SLC25A13: variants seen among roughly 807,000 people sequenced by gnomAD.
SLC25A13 encodes solute carrier family 25 member 13, also known as electrogenic aspartate/glutamate antiporter SLC25A13, mitochondrial.
In SLC25A13, 70 loss-of-function variants were observed where a neutral mutation model predicts 85.5. That is an observed-to-expected ratio of 0.82 (90% CI 0.68 to 1.00). The LOEUF (loss-of-function observed/expected upper bound fraction) is 1.00, where lower values mean the gene tolerates loss of function less well. Ranked by LOEUF, SLC25A13 falls within the 50% of genes least tolerant of loss-of-function variation. The probability of loss-of-function intolerance (pLI) is 0.00; values close to 1 mark genes in which losing one functional copy is unlikely to be tolerated. For synonymous variants in SLC25A13, 259 were observed against 288.7 expected, an observed-to-expected ratio of 0.90 and a Z score of 1.04; for missense variants, 765 against 819.8, an observed-to-expected ratio of 0.93 and a Z score of 0.82.
chr7:96,184,599 G>C (rs1794551923), intron 10 of SLC25A13, 164 bp from the exon 11 acceptor site: 1 of 711,710 alleles, frequency 1.4e-6, no homozygotes. Context: ...ATAAACAATT[G>C]AGGGTTTTCA....
intron 11 of SLC25A13, among the ~76,000 whole-genome samples, chr7:96,180,574 C>T (rs998510717): frequency 6.6e-6 from 1 of 152,192 alleles, no homozygotes; most frequent in African/African-American, 2.4e-5. Context: ...GGTGATCCAC[C>T]CGCCTCGGTC....
At chr7:96,280,997 T>A (rs886896767) in intron 2 of SLC25A13, among the ~76,000 whole-genome samples, 2 of 152,188 alleles carry the variant, frequency 1.3e-5, no homozygotes, top group Non-Finnish European at 2.9e-5. Flanking sequence ...TTATTTGTAG[T>A]ATCCAAAAAA....
At chr7:96,189,764 T>C (rs1022484289) in intron 7 of SLC25A13, 90 bp from the exon 8 acceptor site, 2 of 1,026,654 alleles carry the variant, frequency 1.9e-6, no homozygotes, top group African/African-American at 1.6e-5. Context: ...TGAGTGAACA[T>C]CACAAAACTT....
chr7:96,165,581 G>A (rs1793708366), intron 13 of SLC25A13, among the ~76,000 whole-genome samples: 2 of 152,168 alleles, frequency 1.3e-5, no homozygotes, highest in Admixed American at 1.3e-4. Flanking sequence ...AAATGCAAAG[G>A]CATCAATCTG....
intron 1 of SLC25A13, among the ~76,000 whole-genome samples, chr7:96,313,949 C>T (rs1488022609): frequency 6.6e-6 from 1 of 152,040 alleles, no homozygotes; most frequent in African/African-American, 2.4e-5. Flanking sequence ...ACATTTTTGG[C>T]CAAAATTCCT....
At chr7:96,184,627 A>G (rs1208542651) in intron 10 of SLC25A13, 192 bp from the exon 11 acceptor site, 5 of 653,840 alleles carry the variant, frequency 7.6e-6, no homozygotes, top group Non-Finnish European at 1.3e-5. Context: ...ATCCCCTAAT[A>G]AAAGGATGTC....
At chr7:96,163,151 G>A (rs1350768303) in intron 13 of SLC25A13, among the ~76,000 whole-genome samples, 3 of 152,176 alleles carry the variant, frequency 2.0e-5, no homozygotes, top group Non-Finnish European at 2.9e-5. Flanking sequence ...TTGAGTCTGG[G>A]CCAGCCTAAC....
Position 96,121,972 on chromosome 7 carries a change from G to A in SLC25A13, c.1617C>T (p.Thr539=), listed in dbSNP as rs1471774323. 1 of 1,613,990 alleles carries A rather than the reference G, an allele frequency of 6.2e-7. No individual in the cohort carries two copies. Among genetic ancestry groups the A allele is most frequent in the Non-Finnish European group, 8.5e-7 (1 of 1,180,006 alleles). Reference sequence around the variant, plus strand: ...ATCTCGTCTTGATAACATCAGCAGGGGTCACTAAAGATGCTGCAGGCATAC... The same window carrying A: ...ATCTCGTCTTGATAACATCAGCAGGAGTCACTAAAGATGCTGCAGGCATAC... The part of the protein sequence containing the change: ...IAGMPAASLV[T]PADVIKTRLQ... The change falls in exon 16 of 18, where the codon ACC becomes ACT. Residue 539 remains threonine (T), a synonymous_variant. Coordinates refer to ENST00000265631, the MANE Select transcript of SLC25A13 (RefSeq NM_014251.3).
chr7:96,136,478 ATCTC>A (rs1490018847), intron 14 of SLC25A13, among the ~76,000 whole-genome samples: 1 of 152,206 alleles, frequency 6.6e-6, no homozygotes, highest in Non-Finnish European at 1.5e-5. Flanking sequence ...CAGGATTTGT[ATCTC>A]TCTTTCTCTC....
chr7:96,257,615 C>T (rs1797690168), intron 3 of SLC25A13, among the ~76,000 whole-genome samples: 1 of 152,174 alleles, frequency 6.6e-6, no homozygotes, highest in Admixed American at 6.5e-5. Context: ...GATGGATTCA[C>T]AGCCAAATTC....
At chr7:96,217,901 G>GAA (rs373871911) in intron 4 of SLC25A13, among the ~76,000 whole-genome samples, 2,432 of 96,128 alleles carry the variant, frequency 0.025, 104 homozygotes, top group African/African-American at 0.082. Flanking sequence ...AGCTTTCTCT[G>GAA]AAAAAAAAAA....
intron 14 of SLC25A13, among the ~76,000 whole-genome samples, chr7:96,145,051 G>T (rs1406513018): frequency 1.3e-5 from 2 of 152,116 alleles, no homozygotes; most frequent in African/African-American, 4.8e-5. Flanking sequence ...TGACAACAGT[G>T]TTTATTTTTT....
intron 13 of SLC25A13, chr7:96,169,829 C>T: frequency 1.7e-6 from 1 of 574,272 alleles, no homozygotes; most frequent in South Asian, 2.4e-5. Flanking sequence ...ACGAATTTAA[C>T]AGGCATGACT....
At chr7:96,185,163 T>G (rs1211521740) in intron 9 of SLC25A13, 152 bp from the exon 10 acceptor site, 15 of 560,290 alleles carry the variant, frequency 2.7e-5, no homozygotes, top group Non-Finnish European at 4.0e-5. Context: ...TAGGAATGGA[T>G]TTCATAAGTT....
chr7:96,290,862 C>G (rs1213638652), intron 2 of SLC25A13, among the ~76,000 whole-genome samples: 1 of 151,404 alleles, frequency 6.6e-6, no homozygotes, highest in Non-Finnish European at 1.5e-5. Flanking sequence ...CAACATTAGA[C>G]AGATCAACGA....
At chr7:96,152,037 T>C (rs1158554537) in intron 13 of SLC25A13, among the ~76,000 whole-genome samples, 1 of 152,244 alleles carries the variant, frequency 6.6e-6, no homozygotes, top group African/African-American at 2.4e-5. Flanking sequence ...CTTGGAGTCA[T>C]GCAGCTAGGA....
At chr7:96,211,454 G>A (rs1045820779) in intron 4 of SLC25A13, among the ~76,000 whole-genome samples, 2 of 152,006 alleles carry the variant, frequency 1.3e-5, no homozygotes, top group Non-Finnish European at 2.9e-5. Context: ...TATACTAGAT[G>A]TATATAAAAG....
At position 96,120,569 on chromosome 7, in the gene SLC25A13, G is replaced by A. The variant is rs575375923; in HGVS notation, c.*622C>T. The A allele has an allele frequency of 2.8e-4, 127 of 454,448 alleles. No individual in the cohort carries two copies. The highest frequency in any genetic ancestry group is 6.9e-4 in the Middle Eastern group (1 of 1,444). The allele number at this position is 454,448 out of a possible 1,614,324, so 28.2% of individuals were successfully genotyped here. On this transcript the variant is annotated 3_prime_UTR_variant, in exon 18 of 18. Transcript: ENST00000265631. ...CAAAAGTACTTCCCTAAAGTACAAA[G>A]GCATTTCCCTAGTAGTCTTGGTACC...
chr7:96,253,828 T>C (rs562869794), intron 3 of SLC25A13, among the ~76,000 whole-genome samples: 1 of 152,280 alleles, frequency 6.6e-6, no homozygotes, highest in East Asian at 1.9e-4. Flanking sequence ...ATGAGCCAAA[T>C]AATGTAAACC....
Sources: gnomAD v4.1 joint callset for allele counts (sites outside exome capture counted in the v4.1 genomes callset) on GRCh38, gnomAD v4.1.1 for gene constraint, MANE v1.5 for transcripts, NCBI Gene and HGNC (gene_info 2026-07-23, HGNC 2026-07-21) for gene names.